The following COG5 variants were observed in gnomAD, a reference collection of about 807,000 sequenced individuals.
COG5 encodes the protein conserved oligomeric Golgi complex subunit 5.
In COG5, 86 loss-of-function variants were observed where a neutral mutation model predicts 110.4. The ratio of observed to expected loss-of-function variants is 0.78; its 90% CI spans 0.65 to 0.93. The LOEUF (loss-of-function observed/expected upper bound fraction) is 0.93. Among genes scored for constraint, COG5 ranks in the 40% least tolerant of loss-of-function variants. COG5 has a pLI of 0.00. For synonymous variants in COG5, 360 were observed against 334.6 expected (o/e 1.08, Z -0.83); for missense variants, 1,077 against 987.0 (o/e 1.09, Z -1.22).
intron 7 of COG5, among the ~76,000 whole-genome samples, 166 bp from the exon 8 acceptor site, chr7:107,372,926 T>C (rs139258136): frequency 1.6e-3 from 240 of 147,786 alleles, no homozygotes; most frequent in African/African-American, 5.6e-3. Flanking sequence ...GAAGTGAAGA[T>C]TATTTTTAAA....
intron 6 of COG5, among the ~76,000 whole-genome samples, chr7:107,462,901 A>C (rs1346943434): frequency 6.6e-6 from 1 of 152,230 alleles, no homozygotes; most frequent in African/African-American, 2.4e-5. Context: ...TAAATCTGTT[A>C]GTCTTCTAAC....
intron 8 of COG5, among the ~76,000 whole-genome samples, chr7:107,371,926 G>A (rs1426094532): frequency 6.6e-6 from 1 of 152,142 alleles, no homozygotes. Context: ...GAAACAGAGA[G>A]ATGGAGTGGC....
intron 12 of COG5, among the ~76,000 whole-genome samples, chr7:107,284,281 C>T (rs896169901): frequency 2.6e-5 from 4 of 152,256 alleles, no homozygotes; most frequent in African/African-American, 9.6e-5. Context: ...ATAATATGCA[C>T]CAATACCTAC....
At position 107,236,640 on chromosome 7, in the gene COG5, A is replaced by C. The variant is rs1038024684; in HGVS notation, c.1901T>G (p.Met634Arg). ...GGCAATGAAACCTTGTAGCTCCTTCATGTACAGAGAACAAGGAACATCAGG... is the reference window on the plus strand; with the variant it reads ...GGCAATGAAACCTTGTAGCTCCTTCCTGTACAGAGAACAAGGAACATCAGG... ...GKPDVPCSLY[M>R]KELQGFIARV... The change falls in exon 18 of 22, where the codon ATG becomes AGG. Residue 634 changes from methionine to arginine, a missense_variant. Met to Arg is a moderately conservative substitution (Grantham distance 91). Coordinates refer to ENST00000297135, the MANE Select transcript of COG5 (RefSeq NM_006348.5). 2 of 1,614,150 alleles carry C rather than the reference A, an allele frequency of 1.2e-6. No homozygotes were observed. The highest frequency in any genetic ancestry group is 1.7e-6 in the Non-Finnish European group (2 of 1,180,002).
At chr7:107,486,906 A>T (rs1465013545) in intron 6 of COG5, among the ~76,000 whole-genome samples, 4 of 152,200 alleles carry the variant, frequency 2.6e-5, no homozygotes, top group Non-Finnish European at 5.9e-5. Context: ...AGTCTATGTG[A>T]CAGTAAATGG....
chr7:107,366,009 T>G (rs530792738), intron 8 of COG5, among the ~76,000 whole-genome samples: 3 of 151,932 alleles, frequency 2.0e-5, no homozygotes, highest in Non-Finnish European at 4.4e-5. Context: ...AGACTTAACA[T>G]AGACACTGGG....
At chr7:107,209,706 A>G in intron 21 of COG5, 1 of 523,830 alleles carries the variant, frequency 1.9e-6, no homozygotes, top group Non-Finnish European at 2.4e-6. Context: ...CTGAGAGGAC[A>G]GGGCCATATC....
At position 107,243,252 on chromosome 7, in the gene COG5, G is replaced by C. The variant is rs560902860; in HGVS notation, c.1853+5144C>G. On this transcript the variant is annotated intron_variant, in intron 17 of 21. Coordinates refer to ENST00000297135, the MANE Select transcript of COG5 (RefSeq NM_006348.5). ...GTCTCGGCCTGGGGCGGTGGCTCACGCCTGTAGTCCCAGCACCTTGGGAGG... is the reference window on the plus strand; with the variant it reads ...GTCTCGGCCTGGGGCGGTGGCTCACCCCTGTAGTCCCAGCACCTTGGGAGG... Among the ~76,000 whole-genome samples the C allele has an allele frequency of 2.6e-5, 4 of 152,214 alleles. No individual in the cohort carries two copies. In the East Asian group the frequency reaches 7.7e-4, roughly 29 times the overall value.
At chr7:107,442,297 T>A (rs1034578593) in intron 6 of COG5, among the ~76,000 whole-genome samples, 2 of 152,176 alleles carry the variant, frequency 1.3e-5, no homozygotes, top group Non-Finnish European at 2.9e-5. Context: ...ATAAGTCTCC[T>A]GAGGCTTCCC....
chr7:107,479,701 A>G (rs956677210), intron 6 of COG5, among the ~76,000 whole-genome samples: 25 of 152,318 alleles, frequency 1.6e-4, no homozygotes, highest in African/African-American at 6.0e-4. Flanking sequence ...AGGCAAAAAC[A>G]AAAAGAATAT....
intron 10 of COG5, among the ~76,000 whole-genome samples, chr7:107,333,763 T>G (rs1347057780): frequency 2.0e-5 from 3 of 152,170 alleles, no homozygotes; most frequent in Non-Finnish European, 4.4e-5. Context: ...AATCTAAATG[T>G]TAATGCTAAC....
At chr7:107,282,007 CAAAA>C (rs10706210) in intron 13 of COG5, among the ~76,000 whole-genome samples, 1 of 113,322 alleles carries the variant, frequency 8.8e-6, no homozygotes, top group African/African-American at 4.0e-5. Flanking sequence ...ATCTGACTGC[CAAAA>C]AAAAAAAAAA....
At chr7:107,411,722 T>C (rs1464525358) in intron 7 of COG5, among the ~76,000 whole-genome samples, 1 of 152,210 alleles carries the variant, frequency 6.6e-6, no homozygotes, top group Non-Finnish European at 1.5e-5. Flanking sequence ...AATAAGTACC[T>C]TCTTGATTTA....
intron 11 of COG5, among the ~76,000 whole-genome samples, chr7:107,311,852 A>G (rs1348341848): frequency 1.3e-5 from 2 of 151,980 alleles, no homozygotes; most frequent in Non-Finnish European, 2.9e-5. Flanking sequence ...TTCCATGCAA[A>G]AAATTTTTTA....
chr7:107,227,526 A>G (rs1293438083), intron 19 of COG5, among the ~76,000 whole-genome samples: 1 of 152,214 alleles, frequency 6.6e-6, no homozygotes, highest in African/African-American at 2.4e-5. Context: ...TCTTTCTCTC[A>G]TGTGAGAATT....
intron 12 of COG5, among the ~76,000 whole-genome samples, chr7:107,290,826 G>A (rs567602955): frequency 1.6e-4 from 24 of 149,118 alleles, no homozygotes; most frequent in African/African-American, 4.4e-4. Context: ...GGAAGGGGGC[G>A]TGGGGAGTGG....
intron 8 of COG5, among the ~76,000 whole-genome samples, chr7:107,365,596 CAAAAAAAAAA>C (rs71134263): frequency 3.3e-4 from 12 of 36,702 alleles, no homozygotes; most frequent in East Asian, 2.6e-3. Context: ...TGCAAAATGA[CAAAAAAAAAA>C]AAAAAAAAAA....
intron 19 of COG5, among the ~76,000 whole-genome samples, chr7:107,225,433 C>A (rs963529123): frequency 6.6e-6 from 1 of 151,886 alleles, no homozygotes; most frequent in Non-Finnish European, 1.5e-5. Flanking sequence ...CTAAAAAAAA[C>A]CCCAAGTGAC....
intron 6 of COG5, among the ~76,000 whole-genome samples, chr7:107,419,448 A>G (rs910039898): frequency 6.6e-6 from 1 of 152,088 alleles, no homozygotes; most frequent in African/African-American, 2.4e-5. Context: ...TTTACCACCA[A>G]TTATCTATTT....
Sources: allele counts gnomAD v4.1 joint callset (sites outside exome capture counted in the v4.1 genomes callset), GRCh38; gene constraint gnomAD v4.1.1; transcripts MANE v1.5; gene names NCBI Gene and HGNC (gene_info 2026-07-23, HGNC 2026-07-21).